Variants in CENPK observed in about 807,000 individuals in gnomAD.
CENPK encodes the protein centromere protein K, also known as SoxLZ/Sox6-binding protein Solt.
A neutral mutation model predicts 40.9 loss-of-function variants in CENPK; 46 were observed. The observed-to-expected ratio is 1.13, with a 90% CI of 0.89 to 1.44. CENPK has a LOEUF of 1.44. Ranked by LOEUF, CENPK falls within the 40% of genes most tolerant of loss-of-function variation. CENPK has a pLI of 0.00. For missense variants in CENPK, 288 were observed against 303.5 expected (o/e 0.95, Z 0.38); for synonymous variants, 107 against 104.4 (o/e 1.02, Z -0.15).
At chr5:65,555,156 A>G (rs1242619063) in intron 2 of CENPK, 4 of 267,194 alleles carry the variant, frequency 1.5e-5, no homozygotes, top group East Asian at 8.1e-5. Context: ...TATAAGTGCC[A>G]TGGAGAAAAG....
In CENPK at chr5:65,551,557, A is replaced by G; in HGVS notation, c.241+7T>C. The G allele has an allele frequency of 2.1e-6, 3 of 1,462,968 alleles. No homozygotes were observed. The highest frequency in any genetic ancestry group is 2.5e-5 in the South Asian group (2 of 79,932). 90.6% of individuals were successfully genotyped at this position (1,462,968 alleles called of 1,614,324 possible). ...CAAAAAATTCAAATTTAAAATAAGA[A>G]TCTTACTTTCAGGTGTTTTTTTCTG... On this transcript the variant is annotated splice_region_variant and intron_variant, in intron 5 of 10. Coordinates refer to ENST00000396679, the MANE Select transcript of CENPK (RefSeq NM_022145.5).
chr5:65,512,971 T>C (rs955801518), downstream of CENPK, among the ~76,000 whole-genome samples: 4 of 152,230 alleles, frequency 2.6e-5, no homozygotes, highest in Admixed American at 2.6e-4. Flanking sequence ...GCTATCTATA[T>C]ATCTTCTTTT....
At chr5:65,512,452 C>T in the CENPK span, among the ~76,000 whole-genome samples, 2 of 152,156 alleles carry the variant, frequency 1.3e-5, no homozygotes, top group Non-Finnish European at 2.9e-5. Flanking sequence ...CACAGCCACC[C>T]GAACCTCCAA....
chr5:65,529,143 A>G lies in CENPK; in HGVS notation c.345T>C (p.Asn115=), dbSNP rs145897680. The stretch of plus-strand genomic sequence containing the variant: ...TTTCTAAGTCTTCCTTTAACTTTTC[A>G]TTCTTTGACTCCTTAGTGGACAGTA... The part of the protein sequence containing the change: ...EMVLSTKESK[N]EKLKEDLERE... The change falls in exon 7 of 11, where the codon AAT becomes AAC. Residue 115 remains asparagine, a synonymous_variant. Coordinates refer to ENST00000396679, the MANE Select transcript of CENPK (RefSeq NM_022145.5). 341 of 1,610,646 alleles carry G rather than the reference A, an allele frequency of 2.1e-4. No individual in the cohort carries two copies. Among genetic ancestry groups the G allele is most frequent in the Non-Finnish European group, 2.1e-4 (251 of 1,177,612 alleles).
intron 2 of CENPK, among the ~76,000 whole-genome samples, chr5:65,560,574 G>T (rs1189599251): frequency 1.3e-5 from 2 of 151,964 alleles, no homozygotes; most frequent in Non-Finnish European, 2.9e-5. Flanking sequence ...AACTGGCAAA[G>T]AACACAAATG....
chr5:65,514,625 T>C (rs940088245), downstream of CENPK, among the ~76,000 whole-genome samples: 2 of 152,176 alleles, frequency 1.3e-5, no homozygotes, highest in African/African-American at 2.4e-5. Context: ...TGTACAAAAT[T>C]GGCATCACTT....
At chr5:65,559,043 T>C (rs1751461075) in intron 2 of CENPK, among the ~76,000 whole-genome samples, 1 of 152,172 alleles carries the variant, frequency 6.6e-6, no homozygotes, top group African/African-American at 2.4e-5. Context: ...AGGTAGACAG[T>C]GCAATAAAGA....
At chr5:65,534,980 G>A (rs1746609878) in intron 6 of CENPK, among the ~76,000 whole-genome samples, 1 of 152,166 alleles carries the variant, frequency 6.6e-6, no homozygotes. Flanking sequence ...CACTTTGGGA[G>A]GCTGAAGCAG....
At chr5:65,513,362 AT>A (rs1742646920), downstream of CENPK, among the ~76,000 whole-genome samples, 1 of 152,314 alleles carries the variant, frequency 6.6e-6, no homozygotes, top group Non-Finnish European at 1.5e-5. Context: ...TTTTATTGAG[AT>A]TTCAATGAAT....
intron 10 of CENPK, among the ~76,000 whole-genome samples, chr5:65,519,392 G>A (rs1743302499): frequency 6.6e-6 from 1 of 152,116 alleles, no homozygotes; most frequent in African/African-American, 2.4e-5. Flanking sequence ...CTAATGTTAT[G>A]AAATACAGTG....
intron 9 of CENPK, among the ~76,000 whole-genome samples, chr5:65,523,529 T>C (rs1332109607): frequency 3.3e-5 from 5 of 152,158 alleles, no homozygotes; most frequent in Non-Finnish European, 7.4e-5. Flanking sequence ...GAGCAGGCTC[T>C]GAAAATCTAA....
In CENPK at chr5:65,529,133, T is replaced by A; in HGVS notation, c.355A>T (p.Lys119Ter). 2.5e-6 allele frequency: 4 copies of A among 1,608,866 alleles called. No individual in the cohort carries two copies. The highest frequency in any genetic ancestry group is 3.4e-6 in the Non-Finnish European group (4 of 1,176,098). ...STKESKNEKL[K>*]EDLEREQRWL... ...TAAACAAACCTTTCTAAGTCTTCCT[T>A]TAACTTTTCATTCTTTGACTCCTTA... The change falls in exon 7 of 11, where the codon AAG (lysine) becomes TAG (stop). Residue 119 changes from lysine (K) to a stop codon, truncating the protein, a stop_gained. Transcript: ENST00000396679. LOFTEE classifies it high-confidence loss of function.
chr5:65,515,204 A>AATTTTTTTTTTTTTTT (rs35708852), downstream of CENPK, among the ~76,000 whole-genome samples: 42 of 124,060 alleles, frequency 3.4e-4, 1 homozygote, highest in African/African-American at 5.6e-4. Flanking sequence ...TCTCAAAAAA[A>AATTTTTTTTTTTTTTT]TTTTTTTTTT....
intron 2 of CENPK, chr5:65,561,083 AT>A (rs1464885940): frequency 3.3e-5 from 5 of 152,112 alleles, no homozygotes; most frequent in African/African-American, 1.2e-4. Context: ...TGACAATTAA[AT>A]GAGTATATAA....
intron 8 of CENPK, 65 bp downstream of exon 8, chr5:65,528,854 T>TTG: frequency 1.8e-6 from 2 of 1,081,910 alleles, no homozygotes; most frequent in Non-Finnish European, 2.7e-6. Flanking sequence ...TTCATCTATG[T>TTG]TTCATGTAAC....
intron 9 of CENPK, among the ~76,000 whole-genome samples, chr5:65,528,244 G>A (rs1244743735): frequency 5.1e-4 from 45 of 87,670 alleles, no homozygotes; most frequent in African/African-American, 1.9e-3. Flanking sequence ...CTGTCCCCCC[G>A]CCCCCCTGCC....
Position 65,552,557 on chromosome 5 carries a change from TAA to T in CENPK, c.112-10_112-9del. 6.6e-7 allele frequency: 1 copy of T among 1,525,228 alleles called. No homozygotes were observed. 94.5% of individuals were successfully genotyped at this position (1,525,228 alleles called of 1,614,324 possible). A position where few individuals can be genotyped will look rare whatever the true frequency, so the allele number is the denominator to read the frequency against. On this transcript the variant is annotated splice_polypyrimidine_tract_variant and intron_variant, in intron 3 of 10. Coordinates refer to ENST00000396679, the MANE Select transcript of CENPK (RefSeq NM_022145.5). ...TGATAATTTATTCTGACACTTGATT[TAA>T]AAAGTAAAAAAAGGCAAGTCACACA...
Position 65,552,505 on chromosome 5 carries a change from ATCGGTGAGTGT to A in CENPK, c.145_155del (p.Thr49PhefsTer18), listed in dbSNP as rs1242902542. 4 of 1,560,162 alleles carry A rather than the reference ATCGGTGAGTGT, an allele frequency of 2.6e-6. No homozygotes were observed. The African/African-American group carries it at 5.6e-5, about 22-fold the overall frequency. ...AAAAGATTCATACCTGAGCATTTGAATCGGTGAGTGTTTCAGTTCCAATAAGTGATAATTTA... is the reference window on the plus strand; with the variant it reads ...AAAAGATTCATACCTGAGCATTTGAATTCAGTTCCAATAAGTGATAATTTA... On this transcript the variant is annotated frameshift_variant, in exon 4 of 11. Coordinates refer to ENST00000396679, the MANE Select transcript of CENPK (RefSeq NM_022145.5). LOFTEE classifies it high-confidence loss of function.
At chr5:65,530,507 GC>G (rs1745595495) in intron 6 of CENPK, among the ~76,000 whole-genome samples, 1 of 152,200 alleles carries the variant, frequency 6.6e-6, no homozygotes, top group South Asian at 2.1e-4. Flanking sequence ...GCAGAAGTAT[GC>G]TTGAGGGATT....
Sources: gnomAD v4.1 joint callset for allele counts (sites outside exome capture counted in the v4.1 genomes callset) on GRCh38, gnomAD v4.1.1 for gene constraint, MANE v1.5 for transcripts, NCBI Gene and HGNC (gene_info 2026-07-23, HGNC 2026-07-21) for gene names.